The following FAT3 variants were observed in gnomAD, a reference collection of about 807,000 sequenced individuals.
FAT3 encodes the protein FAT atypical cadherin 3.
Under a neutral mutation model 310.2 loss-of-function variants are expected in FAT3, and 95 were observed. The ratio of observed to expected loss-of-function variants is 0.31; its 90% CI spans 0.26 to 0.36. FAT3 has a LOEUF of 0.36. Ranked by LOEUF, FAT3 falls within the 10% of genes least tolerant of loss-of-function variation. FAT3 has a pLI of 1.00. For synonymous variants in FAT3, 2,314 were observed against 2,192.9 expected, an observed-to-expected ratio of 1.06 and a Z score of -1.54; for missense variants, 5,408 against 5,715.6, an observed-to-expected ratio of 0.95 and a Z score of 1.74.
chr11:92,343,603 T>C (rs1479424723), intron 1 of FAT3, among the ~76,000 whole-genome samples: 2 of 152,232 alleles, frequency 1.3e-5, no homozygotes. Flanking sequence ...CTCTTCGTGT[T>C]AGACCTTGTA....
intron 5 of FAT3, among the ~76,000 whole-genome samples, chr11:92,763,756 A>C (rs1946224258): frequency 6.6e-6 from 1 of 151,948 alleles, no homozygotes; most frequent in Non-Finnish European, 1.5e-5. Flanking sequence ...TACCCTGCCC[A>C]CCCTGATCTC....
At chr11:92,399,712 G>A (rs1949966952) in intron 2 of FAT3, among the ~76,000 whole-genome samples, 1 of 152,154 alleles carries the variant, frequency 6.6e-6, no homozygotes, top group African/African-American at 2.4e-5. Flanking sequence ...AGCAATGGTT[G>A]ATTTGGTGAG....
At chr11:92,664,687 C>T (rs907827672) in intron 3 of FAT3, among the ~76,000 whole-genome samples, 3 of 152,030 alleles carry the variant, frequency 2.0e-5, no homozygotes, top group African/African-American at 7.2e-5. Context: ...AGATCATGAA[C>T]TAGGTAATAA....
intron 1 of FAT3, among the ~76,000 whole-genome samples, chr11:92,251,378 A>G (rs1160109043): frequency 2.0e-5 from 3 of 152,148 alleles, no homozygotes; most frequent in Non-Finnish European, 4.4e-5. Context: ...TAGTGCATCC[A>G]ATTATTTGTC....
At chr11:92,684,327 G>A (rs1365483683) in intron 3 of FAT3, among the ~76,000 whole-genome samples, 2 of 152,118 alleles carry the variant, frequency 1.3e-5, no homozygotes, top group Non-Finnish European at 2.9e-5. Flanking sequence ...GAACTGCATG[G>A]GTGGAATGGA....
At chr11:92,249,355 C>T (rs963309230) in intron 1 of FAT3, among the ~76,000 whole-genome samples, 10 of 152,058 alleles carry the variant, frequency 6.6e-5, no homozygotes, top group Non-Finnish European at 1.3e-4. Flanking sequence ...CGCAGAGGCA[C>T]GTGCAATCTG....
At chr11:92,601,661 G>A (rs138893935) in intron 3 of FAT3, among the ~76,000 whole-genome samples, 12 of 152,260 alleles carry the variant, frequency 7.9e-5, no homozygotes, top group African/African-American at 2.6e-4. Flanking sequence ...AGGAGGAGGG[G>A]ATTGATGAAG....
chr11:92,784,788 C>T (rs1296693542), intron 7 of FAT3, among the ~76,000 whole-genome samples: 3 of 152,112 alleles, frequency 2.0e-5, no homozygotes, highest in Non-Finnish European at 4.4e-5. Flanking sequence ...GTAGATTAGG[C>T]GTAAGACAAA....
intron 3 of FAT3, among the ~76,000 whole-genome samples, chr11:92,536,670 C>A (rs923762789): frequency 2.0e-5 from 3 of 152,080 alleles, no homozygotes; most frequent in African/African-American, 7.2e-5. Context: ...TTAGACAGTT[C>A]GTCTTTTCAA....
chr11:92,720,073 G>A (rs1172488647), intron 4 of FAT3, among the ~76,000 whole-genome samples: 1 of 152,034 alleles, frequency 6.6e-6, no homozygotes, highest in Non-Finnish European at 1.5e-5. Context: ...CTTGATTAAC[G>A]TCATTTATGA....
chr11:92,618,657 A>G (rs1278347598), intron 3 of FAT3, among the ~76,000 whole-genome samples: 1 of 152,134 alleles, frequency 6.6e-6, no homozygotes, highest in Non-Finnish European at 1.5e-5. Context: ...TTTCATTGCT[A>G]ATGCATATAA....
chr11:92,397,611 G>A (rs1335912334), intron 2 of FAT3, among the ~76,000 whole-genome samples: 1 of 152,160 alleles, frequency 6.6e-6, no homozygotes, highest in African/African-American at 2.4e-5. Flanking sequence ...CTCATAGCAA[G>A]TCTCACGCAT....
intron 3 of FAT3, among the ~76,000 whole-genome samples, chr11:92,651,500 A>G (rs1443552495): frequency 6.6e-6 from 1 of 152,158 alleles, no homozygotes; most frequent in Non-Finnish European, 1.5e-5. Flanking sequence ...TTCTGGAACT[A>G]TGTGTTCCTT....
At chr11:92,528,622 A>G (rs1200385707) in intron 3 of FAT3, among the ~76,000 whole-genome samples, 4 of 151,922 alleles carry the variant, frequency 2.6e-5, no homozygotes, top group South Asian at 2.1e-4. Flanking sequence ...TCCTGACCTC[A>G]TGATCCGCCC....
intron 3 of FAT3, among the ~76,000 whole-genome samples, chr11:92,662,646 G>A (rs749006106): frequency 1.3e-5 from 2 of 152,152 alleles, no homozygotes; most frequent in Non-Finnish European, 2.9e-5. Context: ...CTTGTGTTCT[G>A]TTCATGGAAG....
At chr11:92,746,177 C>A (rs1945661400) in intron 4 of FAT3, among the ~76,000 whole-genome samples, 1 of 152,188 alleles carries the variant, frequency 6.6e-6, no homozygotes, top group Non-Finnish European at 1.5e-5. Context: ...AGTCTGTTCT[C>A]ATGCTGCTAA....
intron 21 of FAT3, among the ~76,000 whole-genome samples, chr11:92,864,460 G>T (rs1228995673): frequency 6.6e-6 from 1 of 152,166 alleles, no homozygotes; most frequent in Non-Finnish European, 1.5e-5. Context: ...ATTCTGGTAT[G>T]ATTTACAATA....
intron 2 of FAT3, among the ~76,000 whole-genome samples, chr11:92,486,982 A>G (rs1480493666): frequency 6.6e-6 from 1 of 152,200 alleles, no homozygotes. Context: ...AAGAGGCATG[A>G]AAGAACAAGG....
At chr11:92,433,782 AG>A (rs955452989) in intron 2 of FAT3, among the ~76,000 whole-genome samples, 2 of 151,946 alleles carry the variant, frequency 1.3e-5, no homozygotes, top group African/African-American at 4.8e-5. Context: ...AGGCCGAGGC[AG>A]GTGGATCATG....
Sources: gnomAD v4.1 joint callset for allele counts (sites outside exome capture counted in the v4.1 genomes callset) on GRCh38, gnomAD v4.1.1 for gene constraint, MANE v1.5 for transcripts, NCBI Gene and HGNC (gene_info 2026-07-23, HGNC 2026-07-21) for gene names.